The following MAP4K1 variants were observed in gnomAD, a reference collection of about 807,000 sequenced individuals.
The protein encoded by MAP4K1 is MAPK/ERK kinase kinase kinase 1.
MAP4K1 carries 35 observed loss-of-function variants against 122.8 expected under a neutral mutation model. The observed-to-expected ratio is 0.29, with a 90% CI of 0.22 to 0.38. The LOEUF is 0.38. Among genes scored for constraint, MAP4K1 ranks in the 10% least tolerant of loss-of-function variants. MAP4K1 has a pLI of 1.00. For synonymous variants in MAP4K1, 412 were observed against 421.3 expected (o/e 0.98, Z 0.27); for missense variants, 791 against 1,072.6 (o/e 0.74, Z 3.67).
intron 30 of MAP4K1, among the ~76,000 whole-genome samples, chr19:38,591,965 C>T (rs192288025): frequency 1.6e-3 from 212 of 135,478 alleles, no homozygotes; most frequent in Middle Eastern, 0.01. Context: ...AGCAAGAATC[C>T]GTCTCAAAAA....
chr19:38,590,373 G>GAAA lies in MAP4K1; in HGVS notation c.2397-2559_2397-2557dup, dbSNP rs1164261721. On this transcript the variant is annotated intron_variant, in intron 30 of 30. Coordinates refer to ENST00000396857, the MANE Select transcript of MAP4K1 (RefSeq NM_001042600.3). ...AAGTGCCACCTATGATCTTGGACCA[G>GAAA]AAAAAAAAAAAAAAAAAAAAAATAT... Among the ~76,000 whole-genome samples, 14 of 18,018 alleles carry GAAA rather than the reference G, an allele frequency of 7.8e-4. 4 individuals carry two copies. Among genetic ancestry groups the GAAA allele is most frequent in the African/African-American group, 1.4e-3 (6 of 4,416 alleles). The allele number at this position is 18,018 out of a possible 152,430, so 11.8% of individuals were successfully genotyped here. A position where few individuals can be genotyped will look rare whatever the true frequency, so the allele number is the denominator to read the frequency against.
At chr19:38,588,751 C>CAAA (rs1207148126) in intron 30 of MAP4K1, among the ~76,000 whole-genome samples, 1 of 98,312 alleles carries the variant, frequency 1.0e-5, no homozygotes, top group Non-Finnish European at 2.2e-5. Flanking sequence ...GCCTCTGTCT[C>CAAA]AAAAAAAAAA....
intron 16 of MAP4K1, among the ~76,000 whole-genome samples, chr19:38,607,226 G>T (rs116383670): frequency 0.016 from 2,466 of 151,994 alleles, 67 homozygotes; most frequent in African/African-American, 0.054. Context: ...GAGAGCAGGT[G>T]GGGGGCTGAC....
At chr19:38,608,821 A>AG (rs1975410280) in intron 13 of MAP4K1, among the ~76,000 whole-genome samples, 1 of 148,854 alleles carries the variant, frequency 6.7e-6, no homozygotes, top group Non-Finnish European at 1.5e-5. Context: ...AAAAAAAAAA[A>AG]AAAAAAAACA....
At chr19:38,605,355 A>G (rs544399374) in intron 19 of MAP4K1, 54 bp downstream of exon 19, 6 of 722,222 alleles carry the variant, frequency 8.3e-6, no homozygotes, top group Admixed American at 7.4e-5. Context: ...CCACCCCACC[A>G]GGCATCCCCA....
Position 38,602,968 on chromosome 19 carries a change from GCA to G in MAP4K1, c.1447-1445_1447-1444del, listed in dbSNP as rs564902475. Among the ~76,000 whole-genome samples, 85 of 109,222 alleles carry G rather than the reference GCA, an allele frequency of 7.8e-4. 8 individuals are homozygous for G. In the South Asian group the frequency reaches 0.014, roughly 18 times the overall value. The allele number at this position is 109,222 out of a possible 152,430, so 71.7% of individuals were successfully genotyped here. On this transcript the variant is annotated intron_variant, in intron 19 of 30. Coordinates refer to ENST00000396857, the MANE Select transcript of MAP4K1 (RefSeq NM_001042600.3). ...TACATATATACACACATATACACAT[GCA>G]CATATATACGCATATACATATATAC...
At chr19:38,590,299 G>T (rs1174469435) in intron 30 of MAP4K1, among the ~76,000 whole-genome samples, 1 of 132,302 alleles carries the variant, frequency 7.6e-6, no homozygotes, top group African/African-American at 2.8e-5. Flanking sequence ...TAAGACAAAA[G>T]AAGTTTTAAT....
intron 19 of MAP4K1, 69 bp downstream of exon 19, chr19:38,605,340 C>G: frequency 8.6e-7 from 1 of 1,162,688 alleles, no homozygotes; most frequent in Non-Finnish European, 1.2e-6. Context: ...CCTGCCACCC[C>G]CTCCCCACCC....
At position 38,594,806 on chromosome 19, in the gene MAP4K1, C is replaced by A. The variant is rs12460221; in HGVS notation, c.2340+679G>T. On this transcript the variant is annotated intron_variant, in intron 29 of 30. Coordinates refer to ENST00000396857, the MANE Select transcript of MAP4K1 (RefSeq NM_001042600.3). ...ATACAAAAAAATTAGCTAAGCATGG[C>A]GGCATGCACCTGTAGTCTCAGCTAC... Among the ~76,000 whole-genome samples the A allele has an allele frequency of 8.2e-3, 1,216 of 148,090 alleles. 31 individuals carry two copies. Among genetic ancestry groups the A allele is most frequent in the East Asian group, 0.063 (307 of 4,880 alleles).
At position 38,602,057 on chromosome 19, in the gene MAP4K1, C is replaced by T. The variant is rs775828879; in HGVS notation, c.1447-532G>A. 2.9e-4 allele frequency among the ~76,000 whole-genome samples: 44 copies of T among 151,852 alleles called. 1 individual carries two copies. Among genetic ancestry groups the T allele is most frequent in the South Asian group, 2.1e-4 (1 of 4,814 alleles). ...CCTCCCAAAGTGCTGAGATTACAGG[C>T]GTGAGGCACCACTCCCAGCTGTCAG... On this transcript the variant is annotated intron_variant, in intron 19 of 30. Coordinates refer to ENST00000396857, the MANE Select transcript of MAP4K1 (RefSeq NM_001042600.3).
intron 29 of MAP4K1, 56 bp downstream of exon 29, chr19:38,595,429 A>G (rs1162873644): frequency 6.3e-7 from 1 of 1,579,616 alleles, no homozygotes; most frequent in African/African-American, 1.3e-5. Context: ...CCATCTGATG[A>G]ATGTCATGAT....
chr19:38,608,391 G>A (rs932618945), intron 13 of MAP4K1, among the ~76,000 whole-genome samples: 2 of 151,610 alleles, frequency 1.3e-5, no homozygotes, highest in African/African-American at 2.4e-5. Context: ...AGTGGCTCAC[G>A]CCTATAATCC....
chr19:38,594,895 C>T (rs769717128), intron 29 of MAP4K1, among the ~76,000 whole-genome samples: 6 of 151,948 alleles, frequency 3.9e-5, no homozygotes, highest in Non-Finnish European at 8.8e-5. Context: ...GAGCCGAGAT[C>T]GCGCCACTAC....
chr19:38,602,651 TAC>T (rs1975119825), intron 19 of MAP4K1, among the ~76,000 whole-genome samples: 2 of 135,500 alleles, frequency 1.5e-5, no homozygotes, highest in South Asian at 2.6e-4. Flanking sequence ...TATACATATA[TAC>T]ATATATACAC....
rs539023084 is a variant in MAP4K1, at chr19:38,598,971, C to T, written c.1669+954G>A. Among the ~76,000 whole-genome samples, 504 of 148,222 alleles carry T rather than the reference C, an allele frequency of 3.4e-3. 1 individual carries two copies. Among genetic ancestry groups the T allele is most frequent in the Non-Finnish European group, 5.8e-3 (391 of 67,384 alleles). On this transcript the variant is annotated intron_variant, in intron 22 of 30. Coordinates refer to ENST00000396857, the MANE Select transcript of MAP4K1 (RefSeq NM_001042600.3). The stretch of plus-strand genomic sequence containing the variant: ...GAGGTTGCAGTGAGCCGAGACTGCG[C>T]CACTGCACTCCAGTCTGGGCAACAG...
rs1378037173 is a variant in MAP4K1 at position 38,601,486 on chromosome 19, G to C, written c.1486C>G (p.Leu496Val). The C allele has an allele frequency of 1.2e-6, 2 of 1,610,216 alleles. No homozygotes were observed. Among genetic ancestry groups the C allele is most frequent in the Admixed American group, 1.7e-5 (1 of 59,480 alleles). The change falls in exon 20 of 31, where the codon CTC (leucine) becomes GTC (valine). Residue 496 changes from leucine to valine, a missense_variant. Physicochemically the swap from Leu to Val is conservative, Grantham distance 32. Around this residue, in one of 4 missense-constraint regions of MAP4K1, gnomAD observed 58 missense variants for 118.7 expected, o/e 0.49. Coordinates refer to ENST00000396857, the MANE Select transcript of MAP4K1 (RefSeq NM_001042600.3). ...LLVKLFNGCPLRIHSTAAWTH... is the reference protein window; with the variant it reads ...LLVKLFNGCPVRIHSTAAWTH... Reference sequence around the variant, plus strand: ...CAGGCGGCCGTGCTGTGGATCCGGAGGGGGCAGCCATTGAACAACTTTACG... The same window carrying C: ...CAGGCGGCCGTGCTGTGGATCCGGACGGGGCAGCCATTGAACAACTTTACG...
Position 38,587,692 on chromosome 19 carries a change from A to G in MAP4K1, c.*56T>C. 3.1e-6 allele frequency: 4 copies of G among 1,290,074 alleles called. No individual in the cohort carries two copies. Among genetic ancestry groups the G allele is most frequent in the Non-Finnish European group, 3.4e-6 (3 of 885,724 alleles). 79.9% of individuals were successfully genotyped at this position (1,290,074 alleles called of 1,614,324 possible). ...GAGATGAGGACATGCCATGACCACT[A>G]GTGTGTCTATGGGGGAGGGGGTGCA... On this transcript the variant is annotated 3_prime_UTR_variant, in exon 31 of 31. Transcript: ENST00000396857.
chr19:38,610,207 TTTTG>T (rs1231736193), intron 11 of MAP4K1, among the ~76,000 whole-genome samples, 182 bp from the exon 12 acceptor site: 2 of 151,638 alleles, frequency 1.3e-5, no homozygotes, highest in Non-Finnish European at 2.9e-5. Context: ...GGGTATTCTT[TTTTG>T]TTTGTTTGTT....
In MAP4K1 at chr19:38,610,372, ATTTTTTTT is replaced by A. The variant is rs35103992; in HGVS notation, c.811-355_811-348del. Among the ~76,000 whole-genome samples, 14 of 76,194 alleles carry A rather than the reference ATTTTTTTT, an allele frequency of 1.8e-4. 1 individual carries two copies. The highest frequency in any genetic ancestry group is 1.0e-3 in the South Asian group (2 of 1,932). 50.0% of individuals were successfully genotyped at this position (76,194 alleles called of 152,430 possible). A position where few individuals can be genotyped will look rare whatever the true frequency, so the allele number is the denominator to read the frequency against. Reference sequence around the variant, plus strand: ...AGGCTCGTGCCACCACGCCCAGCTAATTTTTTTTTTTTTTTTTTTTTTTTTTTTTTTGA... The same window carrying A: ...AGGCTCGTGCCACCACGCCCAGCTAATTTTTTTTTTTTTTTTTTTTTTTGA... On this transcript the variant is annotated intron_variant, in intron 11 of 30. Transcript: ENST00000396857.
Sources: gnomAD v4.1 joint callset for allele counts (sites outside exome capture counted in the v4.1 genomes callset) on GRCh38, gnomAD v4.1.1 for gene constraint, gnomAD v4.1.1 regional missense constraint, MANE v1.5 for transcripts, NCBI Gene and HGNC (gene_info 2026-07-23, HGNC 2026-07-21) for gene names.